Variants in NPEPPS observed in about 807,000 individuals in gnomAD.
The protein encoded by NPEPPS is aminopeptidase puromycin sensitive, also known as puromycin-sensitive aminopeptidase.
In NPEPPS, 14 loss-of-function variants were observed where a neutral mutation model predicts 115.5. That is an observed-to-expected ratio of 0.12 (90% CI 0.08 to 0.19). The LOEUF (loss-of-function observed/expected upper bound fraction) is 0.19, where lower values mean the gene tolerates loss of function less well. Ranked by LOEUF, NPEPPS falls within the 10% of genes least tolerant of loss-of-function variation. The probability of loss-of-function intolerance (pLI) is 1.00; values close to 1 mark genes in which losing one functional copy is unlikely to be tolerated. For missense variants in NPEPPS, 523 were observed against 1,110.8 expected, an observed-to-expected ratio of 0.47 and a Z score of 7.52; for synonymous variants, 285 against 390.6, an observed-to-expected ratio of 0.73 and a Z score of 3.19.
intron 12 of NPEPPS, among the ~76,000 whole-genome samples, chr17:47,595,748 C>T (rs138544447): frequency 0.044 from 6,727 of 151,568 alleles, 217 homozygotes; most frequent in Middle Eastern, 0.16. Flanking sequence ...TTTGGGAGGC[C>T]GAGGCAGTGG....
intron 22 of NPEPPS, among the ~76,000 whole-genome samples, chr17:47,620,826 G>A (rs993137524): frequency 3.1e-4 from 47 of 152,176 alleles, no homozygotes; most frequent in African/African-American, 1.0e-3. Context: ...CAGGTGTACT[G>A]CATTAGAAAA....
At chr17:47,545,180 A>G (rs2317808) in intron 1 of NPEPPS, among the ~76,000 whole-genome samples, 1 of 151,818 alleles carries the variant, frequency 6.6e-6, no homozygotes, top group African/African-American at 2.4e-5. Flanking sequence ...AATTAAAAAA[A>G]TTTTTTTTGT....
At chr17:47,592,106 A>C in intron 11 of NPEPPS, 46 bp downstream of exon 11, 1 of 1,154,378 alleles carries the variant, frequency 8.7e-7, no homozygotes, top group Non-Finnish European at 1.3e-6. Context: ...GTGAAATCAT[A>C]AGAGTTTTGC....
chr17:47,554,001 C>T (rs1206360040), intron 2 of NPEPPS, among the ~76,000 whole-genome samples: 6 of 150,994 alleles, frequency 4.0e-5, no homozygotes, highest in South Asian at 4.2e-4. Flanking sequence ...CTGCCCGCCT[C>T]GGCCTCCCAA....
chr17:47,622,983 G>C lies in NPEPPS; in HGVS notation c.*1063G>C. Reference sequence around the variant, plus strand: ...CTGGTTTAAAAAACAAAGACTGTAAGCCTGTGTGTGCCACTGTTTGCTTCA... The same window carrying C: ...CTGGTTTAAAAAACAAAGACTGTAACCCTGTGTGTGCCACTGTTTGCTTCA... On this transcript the variant is annotated 3_prime_UTR_variant, in exon 23 of 23. Transcript: ENST00000322157. 2.2e-6 allele frequency: 1 copy of C among 452,366 alleles called. No homozygotes were observed. Among genetic ancestry groups the C allele is most frequent in the Non-Finnish European group, 4.4e-6 (1 of 225,966 alleles). 28.0% of individuals were successfully genotyped at this position (452,366 alleles called of 1,614,324 possible).
At chr17:47,607,135 T>C (rs946117358) in intron 17 of NPEPPS, among the ~76,000 whole-genome samples, 2 of 151,922 alleles carry the variant, frequency 1.3e-5, no homozygotes, top group African/African-American at 2.4e-5. Context: ...GAGGCTGCAG[T>C]GAGCTGAGAT....
rs533219006 is a variant in NPEPPS, at chr17:47,599,638, G to T, written c.1537-38G>T. ...AAAACAAAAACCAAAACCCCAGATG[G>T]TGTCAGTACTATTATAGCCTTTGTT... is the stretch of plus-strand genomic sequence containing the variant. On this transcript the variant is annotated intron_variant, in intron 13 of 22. Coordinates refer to ENST00000322157, the MANE Select transcript of NPEPPS (RefSeq NM_006310.4). 5.3e-6 allele frequency: 8 copies of T among 1,520,312 alleles called. No individual in the cohort carries two copies. The South Asian group carries it at 9.7e-5, about 18-fold the overall frequency. 94.2% of individuals were successfully genotyped at this position (1,520,312 alleles called of 1,614,324 possible).
chr17:47,577,428 A>T (rs1341890641), intron 3 of NPEPPS, among the ~76,000 whole-genome samples: 1 of 152,044 alleles, frequency 6.6e-6, no homozygotes, highest in Non-Finnish European at 1.5e-5. Context: ...TTGCTTTTTT[A>T]AAAAAATTAA....
intron 15 of NPEPPS, among the ~76,000 whole-genome samples, chr17:47,602,979 A>G (rs931513387): frequency 6.6e-6 from 1 of 152,188 alleles, no homozygotes; most frequent in African/African-American, 2.4e-5. Flanking sequence ...ATAAAGTGAT[A>G]GTTGCGTTAA....
intron 1 of NPEPPS, among the ~76,000 whole-genome samples, chr17:47,524,414 C>G (rs1045708838): frequency 4.0e-5 from 6 of 149,328 alleles, no homozygotes; most frequent in Non-Finnish European, 7.4e-5. Context: ...GCCTCAAACT[C>G]CTGGATTCAA....
chr17:47,618,984 CTT>C (rs768276013), intron 20 of NPEPPS, 23 bp from the exon 21 acceptor site: 4 of 1,608,252 alleles, frequency 2.5e-6, no homozygotes, highest in Middle Eastern at 1.7e-4. Context: ...ATACACTAGA[CTT>C]TTAGCTCTCT....
intron 3 of NPEPPS, among the ~76,000 whole-genome samples, chr17:47,578,553 A>AT (rs1911673816): frequency 6.6e-6 from 1 of 152,202 alleles, no homozygotes; most frequent in Non-Finnish European, 1.5e-5. Context: ...AAAAGAAAGT[A>AT]TATGAACTCA....
At chr17:47,563,561 G>C (rs1910588405) in intron 2 of NPEPPS, among the ~76,000 whole-genome samples, 1 of 151,932 alleles carries the variant, frequency 6.6e-6, no homozygotes. Flanking sequence ...GGTGTGTTAT[G>C]ATCTAGAAAA....
intron 19 of NPEPPS, among the ~76,000 whole-genome samples, chr17:47,616,683 C>CAA (rs751616382): frequency 2.1e-5 from 2 of 95,658 alleles, no homozygotes; most frequent in Non-Finnish European, 4.2e-5. Flanking sequence ...GACTCCGTCT[C>CAA]AAAAAAAAAA....
intron 2 of NPEPPS, among the ~76,000 whole-genome samples, chr17:47,550,328 TG>T (rs1567841879): frequency 6.9e-6 from 1 of 145,902 alleles, no homozygotes; most frequent in Non-Finnish European, 1.5e-5. Flanking sequence ...GGCATGTGTG[TG>T]TTTTTTTTTT....
At chr17:47,542,534 G>A (rs372158448) in intron 1 of NPEPPS, among the ~76,000 whole-genome samples, 1 of 131,890 alleles carries the variant, frequency 7.6e-6, no homozygotes, top group Non-Finnish European at 1.6e-5. Flanking sequence ...CAACAAGAGC[G>A]AAGCTCCGTC....
At chr17:47,600,494 A>T (rs1913127802) in intron 14 of NPEPPS, among the ~76,000 whole-genome samples, 1 of 152,194 alleles carries the variant, frequency 6.6e-6, no homozygotes, top group African/African-American at 2.4e-5. Context: ...ATAAATCTGT[A>T]CGTGTCACAG....
intron 22 of NPEPPS, among the ~76,000 whole-genome samples, chr17:47,620,621 A>G (rs1914506966): frequency 6.6e-6 from 1 of 152,200 alleles, no homozygotes; most frequent in African/African-American, 2.4e-5. Flanking sequence ...GGCCCTGAGA[A>G]CTGAACCATG....
At chr17:47,606,002 C>T (rs1352478664) in intron 17 of NPEPPS, among the ~76,000 whole-genome samples, 1 of 152,094 alleles carries the variant, frequency 6.6e-6, no homozygotes, top group African/African-American at 2.4e-5. Flanking sequence ...CTTAGCCTCC[C>T]GAGTAGCTGG....
Sources: allele counts gnomAD v4.1 joint callset (sites outside exome capture counted in the v4.1 genomes callset), GRCh38; gene constraint gnomAD v4.1.1; transcripts MANE v1.5; gene names NCBI Gene and HGNC (gene_info 2026-07-23, HGNC 2026-07-21).